ROR2: variants seen among roughly 807,000 people sequenced by gnomAD.
ROR2 encodes tyrosine-protein kinase transmembrane receptor ROR2.
Under a neutral mutation model 74.9 loss-of-function variants are expected in ROR2, and 33 were observed. That is an observed-to-expected ratio of 0.44 (90% CI 0.33 to 0.59). The LOEUF is 0.59. ROR2 is among the 20% of genes least tolerant of loss of function. ROR2 has a pLI of 0.02. For synonymous variants in ROR2, 586 were observed against 558.7 expected (o/e 1.05, Z -0.69); for missense variants, 1,216 against 1,313.8 (o/e 0.93, Z 1.15).
intron 1 of ROR2, among the ~76,000 whole-genome samples, chr9:91,808,354 G>T (rs185896544): frequency 6.6e-6 from 1 of 152,308 alleles, no homozygotes; most frequent in Admixed American, 6.5e-5. Flanking sequence ...TCATAAATTG[G>T]CCAGGCGAGG....
chr9:91,724,663 C>A lies in ROR2; in HGVS notation c.1831G>T (p.Val611Leu). Residue 611 changes from valine to leucine, a missense_variant, in exon 9 of 9, where the codon GTG becomes TTG. Physicochemically the swap from Val to Leu is conservative, Grantham distance 32. Coordinates refer to ENST00000375708, the MANE Select transcript of ROR2 (RefSeq NM_004560.4). ...CGGGTGGCCAGGTCCTTGTGAACCA[C>A]GTGGTGGCTGGATAGGTACTCCATC... ...AGMEYLSSHH[V>L]VHKDLATRNV... The A allele has an allele frequency of 6.2e-7, 1 of 1,614,200 alleles. No individual in the cohort carries two copies. Among genetic ancestry groups the A allele is most frequent in the Non-Finnish European group, 8.5e-7 (1 of 1,180,042 alleles).
chr9:91,945,633 G>A (rs968557304), intron 1 of ROR2, among the ~76,000 whole-genome samples: 1 of 152,122 alleles, frequency 6.6e-6, no homozygotes, highest in African/African-American at 2.4e-5. Flanking sequence ...TAGCTTTTGA[G>A]TTTTTTGCTT....
intron 1 of ROR2, among the ~76,000 whole-genome samples, chr9:91,807,407 T>C (rs1431765301): frequency 6.6e-6 from 1 of 152,242 alleles, no homozygotes; most frequent in Non-Finnish European, 1.5e-5. Flanking sequence ...TGTGTATCCC[T>C]TCACCTGGCT....
intron 1 of ROR2, among the ~76,000 whole-genome samples, chr9:91,882,757 G>A (rs73519140): frequency 0.13 from 19,459 of 152,066 alleles, 2,511 homozygotes; most frequent in African/African-American, 0.33. Flanking sequence ...CATAAGAAGA[G>A]CAGATGAGGA....
chr9:91,785,591 G>A (rs1042325778), intron 1 of ROR2, among the ~76,000 whole-genome samples: 7 of 152,212 alleles, frequency 4.6e-5, no homozygotes, highest in African/African-American at 7.2e-5. Context: ...CATTTTGCAC[G>A]AGGAGTCTCT....
chr9:91,901,257 G>C (rs557528077), intron 1 of ROR2, among the ~76,000 whole-genome samples: 1 of 152,164 alleles, frequency 6.6e-6, no homozygotes, highest in Non-Finnish European at 1.5e-5. Flanking sequence ...ATCTCCAACT[G>C]TACCCATGGG....
At chr9:91,931,669 T>G (rs1415134676) in intron 1 of ROR2, among the ~76,000 whole-genome samples, 1 of 152,146 alleles carries the variant, frequency 6.6e-6, no homozygotes, top group Non-Finnish European at 1.5e-5. Flanking sequence ...TCACACTATC[T>G]ACACAAAATG....
Position 91,730,925 on chromosome 9 carries a change from C to T in ROR2, c.1168G>A (p.Asp390Asn). Reference protein sequence around the residue: ...QNKNVRMELCDVPSCSPRDSS... With the variant: ...QNKNVRMELCNVPSCSPRDSS... ...GAATACATACTACACGAGGGTACGTCACACAGTTCCATGCGTACGTTTTTA... is the reference window on the plus strand; with the variant it reads ...GAATACATACTACACGAGGGTACGTTACACAGTTCCATGCGTACGTTTTTA... The change falls in exon 7 of 9, where the codon GAC (aspartate) becomes AAC (asparagine). Residue 390 changes from aspartate to asparagine, a missense_variant. Coordinates refer to ENST00000375708, the MANE Select transcript of ROR2 (RefSeq NM_004560.4). The T allele has an allele frequency of 1.2e-6, 2 of 1,614,160 alleles. No individual in the cohort carries two copies. Among genetic ancestry groups the T allele is most frequent in the Non-Finnish European group, 1.7e-6 (2 of 1,180,032 alleles).
chr9:91,724,943 C>A lies in ROR2; in HGVS notation c.1551G>T (p.Leu517=). Residue 517 remains leucine (L), a synonymous_variant, in exon 9 of 9, where the codon CTG becomes CTT. Transcript: ENST00000375708. The part of the protein sequence containing the change: ...KTLKDKAEGP[L]REEFRHEAML... ...TAGCCTCATGCCGGAACTCCTCCCG[C>A]AGGGGCCCCTCCGCTTTGTCCTTCA... 6.2e-7 allele frequency: 1 copy of A among 1,613,288 alleles called. No homozygotes were observed. The highest frequency in any genetic ancestry group is 8.5e-7 in the Non-Finnish European group (1 of 1,179,602).
At position 91,917,159 on chromosome 9, in the gene ROR2, T is replaced by C. The variant is rs552866039; in HGVS notation, c.97+32708A>G. Among the ~76,000 whole-genome samples, 17 of 152,306 alleles carry C rather than the reference T, an allele frequency of 1.1e-4. No individual in the cohort carries two copies. The East Asian group carries it at 3.1e-3, about 28-fold the overall frequency. ...TAAGAGCAATGCTTCAGCTCAACCA[T>C]TTTTGGTCTGGCATGAATTTCAAAT... On this transcript the variant is annotated intron_variant, in intron 1 of 8. Transcript: ENST00000375708.
chr9:91,849,673 C>A (rs973998264), intron 1 of ROR2, among the ~76,000 whole-genome samples: 3 of 152,186 alleles, frequency 2.0e-5, no homozygotes, highest in African/African-American at 7.2e-5. Context: ...TTATACTATG[C>A]AAGTATTACG....
At chr9:91,868,908 A>C (rs1376542750) in intron 1 of ROR2, among the ~76,000 whole-genome samples, 1 of 152,252 alleles carries the variant, frequency 6.6e-6, no homozygotes, top group Non-Finnish European at 1.5e-5. Context: ...GCAGTCTCAC[A>C]CATCAATGTT....
chr9:91,871,058 G>A (rs1159134946), intron 1 of ROR2, among the ~76,000 whole-genome samples: 1 of 152,186 alleles, frequency 6.6e-6, no homozygotes, highest in Non-Finnish European at 1.5e-5. Context: ...CAGGTTTAGG[G>A]ACTCTCCTGA....
intron 1 of ROR2, among the ~76,000 whole-genome samples, chr9:91,877,629 A>T (rs1008923786): frequency 1.3e-5 from 2 of 152,192 alleles, no homozygotes; most frequent in Non-Finnish European, 2.9e-5. Flanking sequence ...GTCAATTCTC[A>T]CTCAGCCTCT....
intron 1 of ROR2, among the ~76,000 whole-genome samples, chr9:91,923,280 C>T (rs1831317887): frequency 6.6e-6 from 1 of 152,192 alleles, no homozygotes; most frequent in Admixed American, 6.5e-5. Flanking sequence ...TCTCCACTGT[C>T]CAGTGTGGCC....
At chr9:91,889,134 G>C (rs1210056675) in intron 1 of ROR2, among the ~76,000 whole-genome samples, 1 of 152,204 alleles carries the variant, frequency 6.6e-6, no homozygotes, top group Admixed American at 6.5e-5. Context: ...AGTGAGACCA[G>C]TAAGAGGATT....
chr9:91,896,313 C>T (rs1292670895), intron 1 of ROR2, among the ~76,000 whole-genome samples: 1 of 152,202 alleles, frequency 6.6e-6, no homozygotes, highest in Non-Finnish European at 1.5e-5. Flanking sequence ...ATCAAAGATG[C>T]AATCTTGGTT....
chr9:91,778,485 T>C (rs1826499255), intron 1 of ROR2, among the ~76,000 whole-genome samples: 1 of 152,224 alleles, frequency 6.6e-6, no homozygotes, highest in African/African-American at 2.4e-5. Context: ...AGCTAGATGA[T>C]GAGCTCACCA....
intron 1 of ROR2, among the ~76,000 whole-genome samples, chr9:91,821,474 T>C (rs935400765): frequency 1.2e-4 from 19 of 152,174 alleles, no homozygotes; most frequent in African/African-American, 4.3e-4. Flanking sequence ...CTGCCTGGTC[T>C]TCCCAGCAGC....
Sources: allele counts gnomAD v4.1 joint callset (sites outside exome capture counted in the v4.1 genomes callset), GRCh38; gene constraint gnomAD v4.1.1; transcripts MANE v1.5; gene names NCBI Gene and HGNC (gene_info 2026-07-23, HGNC 2026-07-21).